Variants in PRR5L observed in about 807,000 individuals in gnomAD.
PRR5L encodes proline rich 5 like.
A neutral mutation model predicts 36.4 loss-of-function variants in PRR5L; 21 were observed. That is an observed-to-expected ratio of 0.58 (90% CI 0.41 to 0.83). The LOEUF (loss-of-function observed/expected upper bound fraction) is 0.83, where lower values mean the gene tolerates loss of function less well. Ranked by LOEUF, PRR5L falls within the 40% of genes least tolerant of loss-of-function variation. PRR5L has a pLI of 0.00. For missense variants in PRR5L, 381 were observed against 473.3 expected (o/e 0.80, Z 1.81); for synonymous variants, 188 against 197.0 (o/e 0.95, Z 0.38).
At chr11:36,422,561 A>G (rs2554019) in intron 4 of PRR5L, among the ~76,000 whole-genome samples, 150,635 of 152,342 alleles carry the variant, frequency 0.99, 74,496 homozygotes, top group East Asian at 1. Context: ...CTTGCCACTC[A>G]TACAGCCCTT....
chr11:36,300,342 C>T (rs1856361831), intron 1 of PRR5L, among the ~76,000 whole-genome samples: 1 of 152,024 alleles, frequency 6.6e-6, no homozygotes, highest in Non-Finnish European at 1.5e-5. Flanking sequence ...GTGCCAGGCT[C>T]TTTTTAAATG....
In PRR5L at chr11:36,411,452, G is replaced by A. The variant is rs1040984815; in HGVS notation, c.246-7803G>A. Among the ~76,000 whole-genome samples the A allele has an allele frequency of 3.9e-5, 6 of 152,132 alleles. No individual in the cohort carries two copies. In the East Asian group the frequency reaches 1.2e-3, roughly 29 times the overall value. On this transcript the variant is annotated intron_variant, in intron 3 of 8. Coordinates refer to ENST00000530639, the MANE Select transcript of PRR5L (RefSeq NM_001160167.2). ...GGTGAGATAATGTAGACCAGTCAGT[G>A]CTTCCCCATTTTTTCCCCCTGTTAT...
chr11:36,462,508 C>T lies in PRR5L; in HGVS notation c.879C>T (p.Ala293=), dbSNP rs768252672. Residue 293 remains alanine, a synonymous_variant, in exon 9 of 9, where the codon GCC becomes GCT. Coordinates refer to ENST00000530639, the MANE Select transcript of PRR5L (RefSeq NM_001160167.2). The stretch of plus-strand genomic sequence containing the variant: ...GCAGCGTGCGGCGGCACACGGTGGC[C>T]AATGCCCACTCGGACATCCAGCTGC... ...KCGSVRRHTV[A]NAHSDIQLLA... The T allele has an allele frequency of 2.5e-6, 4 of 1,608,736 alleles. No homozygotes were observed. The Admixed American group carries it at 6.7e-5, about 27-fold the overall frequency.
At chr11:36,446,275 GC>G (rs1858827078) in intron 6 of PRR5L, 24 bp from the exon 7 acceptor site, 29 of 1,610,818 alleles carry the variant, frequency 1.8e-5, no homozygotes, top group Non-Finnish European at 2.4e-5. Flanking sequence ...TCACCTCCCG[GC>G]CCTCTCTCCT....
chr11:36,378,727 C>G (rs1303944394), intron 1 of PRR5L, among the ~76,000 whole-genome samples: 1 of 152,114 alleles, frequency 6.6e-6, no homozygotes, highest in African/African-American at 2.4e-5. Flanking sequence ...GTGCAAATGC[C>G]TCTTGAGGTC....
At chr11:36,403,438 G>A (rs12292430) in intron 3 of PRR5L, 60 bp downstream of exon 3, 195,846 of 1,344,834 alleles carry the variant, frequency 0.15, 18,296 homozygotes, top group African/African-American at 0.44. Flanking sequence ...GGGGCATAGG[G>A]GCTACCGCCT....
chr11:36,429,764 C>T (rs10836559), intron 4 of PRR5L, among the ~76,000 whole-genome samples: 14,009 of 152,200 alleles, frequency 0.092, 1,053 homozygotes, highest in East Asian at 0.38. Flanking sequence ...AGGGACCAAC[C>T]AGGTGGAGAC....
intron 1 of PRR5L, among the ~76,000 whole-genome samples, chr11:36,358,771 C>T (rs1363550658): frequency 1.3e-5 from 2 of 151,984 alleles, no homozygotes; most frequent in South Asian, 2.1e-4. Flanking sequence ...TTTCTTCTTC[C>T]CAAGGTGATA....
At chr11:36,400,872 A>C (rs1857777130) in intron 1 of PRR5L, 125 bp from the exon 2 acceptor site, 178 of 593,798 alleles carry the variant, frequency 3.0e-4, no homozygotes, top group East Asian at 7.6e-4. Context: ...CTGCCAGGGA[A>C]TAGATGCTAT....
intron 1 of PRR5L, among the ~76,000 whole-genome samples, chr11:36,392,170 G>C (rs1416194156): frequency 6.6e-6 from 1 of 152,138 alleles, no homozygotes; most frequent in Non-Finnish European, 1.5e-5. Flanking sequence ...TGGATGAAGA[G>C]TACTCCATTA....
chr11:36,420,618 A>G (rs1391067490), intron 4 of PRR5L, among the ~76,000 whole-genome samples: 1 of 152,226 alleles, frequency 6.6e-6, no homozygotes, highest in East Asian at 1.9e-4. Flanking sequence ...GGTGTAATCC[A>G]TCTCTTTTAA....
chr11:36,395,396 CAATTA>C (rs746423433), intron 1 of PRR5L, among the ~76,000 whole-genome samples: 4 of 152,182 alleles, frequency 2.6e-5, no homozygotes, highest in Non-Finnish European at 5.9e-5. Flanking sequence ...CAGCTATTAA[CAATTA>C]AATAAAATTA....
At chr11:36,387,683 G>A (rs1857483039) in intron 1 of PRR5L, among the ~76,000 whole-genome samples, 1 of 152,212 alleles carries the variant, frequency 6.6e-6, no homozygotes, top group Non-Finnish European at 1.5e-5. Context: ...TGAATGGTGA[G>A]TCAGCAGACC....
At chr11:36,397,942 T>C (rs1339977947) in intron 1 of PRR5L, among the ~76,000 whole-genome samples, 6 of 151,996 alleles carry the variant, frequency 3.9e-5, no homozygotes, top group Admixed American at 6.5e-5. Context: ...ATTAAAGGCA[T>C]GCGCCCCCAT....
intron 1 of PRR5L, among the ~76,000 whole-genome samples, chr11:36,364,292 A>T (rs1013673030): frequency 1.3e-5 from 2 of 152,244 alleles, no homozygotes; most frequent in African/African-American, 4.8e-5. Flanking sequence ...ATATTTAACT[A>T]TCCAACTGTG....
intron 1 of PRR5L, among the ~76,000 whole-genome samples, chr11:36,368,616 A>G (rs767706217): frequency 1.3e-5 from 2 of 152,212 alleles, no homozygotes. Context: ...ACAAGTCTGT[A>G]GTGGAATTTT....
rs1366835515 is a variant in PRR5L at position 36,351,309 on chromosome 11, T to G, written c.-125-49688T>G. On this transcript the variant is annotated intron_variant, in intron 1 of 8. Transcript: ENST00000530639. ...ATATTTATATATTTATATATATATTTATATATATTTATAAATATTTATATA... is the reference window on the plus strand; with the variant it reads ...ATATTTATATATTTATATATATATTGATATATATTTATAAATATTTATATA... Among the ~76,000 whole-genome samples the G allele has an allele frequency of 2.7e-4, 20 of 73,558 alleles. 1 individual carries two copies. Among genetic ancestry groups the G allele is most frequent in the Non-Finnish European group, 4.4e-4 (19 of 43,090 alleles). 48.3% of individuals were successfully genotyped at this position (73,558 alleles called of 152,430 possible).
chr11:36,381,202 T>C (rs1857362014), intron 1 of PRR5L, among the ~76,000 whole-genome samples: 1 of 152,172 alleles, frequency 6.6e-6, no homozygotes, highest in African/African-American at 2.4e-5. Flanking sequence ...TTTACCGTTC[T>C]CTCCTTACAT....
chr11:36,395,650 T>C (rs1365161320), intron 1 of PRR5L, among the ~76,000 whole-genome samples: 3 of 152,194 alleles, frequency 2.0e-5, no homozygotes, highest in Non-Finnish European at 4.4e-5. Flanking sequence ...ATCAGAAAAA[T>C]AGGGGCACAT....
Sources: gnomAD v4.1 joint callset for allele counts (sites outside exome capture counted in the v4.1 genomes callset) on GRCh38, gnomAD v4.1.1 for gene constraint, MANE v1.5 for transcripts, NCBI Gene and HGNC (gene_info 2026-07-23, HGNC 2026-07-21) for gene names.